Variants in MBD1 observed in about 807,000 individuals in gnomAD.
The protein encoded by MBD1 is methyl-CpG binding domain protein 1, also known as methyl-CpG-binding domain protein 1.
A neutral mutation model predicts 82.6 loss-of-function variants in MBD1; 25 were observed. That is an observed-to-expected ratio of 0.30 (90% CI 0.22 to 0.42). MBD1 has a LOEUF of 0.42. MBD1 is among the 10% of genes least tolerant of loss of function. MBD1 has a pLI of 1.00. For missense variants in MBD1, 627 were observed against 819.6 expected (o/e 0.76, Z 2.87); for synonymous variants, 301 against 303.7 (o/e 0.99, Z 0.09).
intron 1 of MBD1, among the ~76,000 whole-genome samples, chr18:50,280,956 G>C (rs1324624490): frequency 3.3e-5 from 5 of 151,816 alleles, no homozygotes; most frequent in Admixed American, 3.3e-4. Flanking sequence ...ACTGCTCCTC[G>C]TCCTCTATAT....
At chr18:50,267,810 C>A, downstream of MBD1, 2 of 602,494 alleles carry the variant, frequency 3.3e-6, no homozygotes, top group South Asian at 2.0e-5. Flanking sequence ...CTCTTAAGGA[C>A]GCAATTTACT....
chr18:50,281,025 C>T (rs1037829108), intron 1 of MBD1: 2 of 756,812 alleles, frequency 2.6e-6, no homozygotes, highest in Admixed American at 2.2e-5. Flanking sequence ...TGTCATCAGC[C>T]TGAGGGCCCC....
intron 16 of MBD1, chr18:50,270,036 T>G (rs1305216544): frequency 3.1e-6 from 5 of 1,597,990 alleles, no homozygotes; most frequent in Non-Finnish European, 4.2e-6. Flanking sequence ...ATAAATTTCA[T>G]ATAGATCATT....
At chr18:50,278,222 C>A (rs1599518502) in intron 2 of MBD1, among the ~76,000 whole-genome samples, 1 of 152,320 alleles carries the variant, frequency 6.6e-6, no homozygotes, top group East Asian at 1.9e-4. Flanking sequence ...CTCAAAACGG[C>A]ACACAATTCA....
In MBD1 at chr18:50,269,481, G is replaced by A. The variant is rs555633960; in HGVS notation, c.*370C>T. 1 of 724,010 alleles carries A rather than the reference G, an allele frequency of 1.4e-6. No homozygotes were observed. Among genetic ancestry groups the A allele is most frequent in the South Asian group, 1.5e-5 (1 of 65,506 alleles). The allele number at this position is 724,010 out of a possible 1,614,324, so 44.8% of individuals were successfully genotyped here. ...TGGAAGGTTGGTGCTGGGGCACCAG[G>A]CGTTGTTGCAGTTCACACGTTGCCA... On this transcript the variant is annotated 3_prime_UTR_variant, in exon 17 of 17. Coordinates refer to ENST00000269468, the MANE Select transcript of MBD1 (RefSeq NM_015846.4).
At chr18:50,273,235 A>G in intron 13 of MBD1, 99 bp downstream of exon 13, 1 of 1,515,774 alleles carries the variant, frequency 6.6e-7, no homozygotes, top group South Asian at 1.2e-5. Flanking sequence ...CAATCAGCAC[A>G]TCTATTGCTC....
At chr18:50,281,691 C>CTGA, upstream of MBD1, 1 of 423,678 alleles carries the variant, frequency 2.4e-6, no homozygotes, top group Non-Finnish European at 4.2e-6. Flanking sequence ...CATCTGCGTG[C>CTGA]TGACGTTCAA....
rs1030667958 is a variant in MBD1, at chr18:50,274,053, G to A, written c.1146+133C>T. The A allele has an allele frequency of 3.2e-5, 45 of 1,401,320 alleles. No homozygotes were observed. In the South Asian group the frequency reaches 5.0e-4, roughly 16 times the overall value. The allele number at this position is 1,401,320 out of a possible 1,614,324, so 86.8% of individuals were successfully genotyped here. ...ATGCCACCTAGACTCATTAAGCCAA[G>A]AACAATGTCTGTTAATCCTCAACCA... On this transcript the variant is annotated intron_variant, in intron 11 of 16. Coordinates refer to ENST00000269468, the MANE Select transcript of MBD1 (RefSeq NM_015846.4).
At chr18:50,272,615 A>T (rs1568197613) in intron 15 of MBD1, 62 bp downstream of exon 15, 2 of 1,586,822 alleles carry the variant, frequency 1.3e-6, no homozygotes, top group Non-Finnish European at 1.7e-6. Context: ...TACTTTCAAA[A>T]CTCAGGGCCC....
In MBD1 at chr18:50,277,216, C is replaced by A; in HGVS notation, c.111-12G>T. ...TGTCTCCTGTGGGGCTAGGGATGGG[C>A]CATGATGGGTTAGCACCCAGGTGGA... On this transcript the variant is annotated splice_polypyrimidine_tract_variant and intron_variant, in intron 2 of 16. Transcript: ENST00000269468. 1 of 1,597,408 alleles carries A rather than the reference C, an allele frequency of 6.3e-7. No individual in the cohort carries two copies. Among genetic ancestry groups the A allele is most frequent in the South Asian group, 1.1e-5 (1 of 90,606 alleles).
At chr18:50,281,287 G>A in intron 1 of MBD1, 76 bp downstream of exon 1, 2 of 1,432,630 alleles carry the variant, frequency 1.4e-6, no homozygotes, top group Non-Finnish European at 1.9e-6. Context: ...ATTCCTCCCC[G>A]TCAGCGTTCT....
chr18:50,273,328 C>T lies in MBD1; in HGVS notation c.1584+6G>A. On this transcript the variant is annotated splice_donor_region_variant and intron_variant, in intron 13 of 16. Transcript: ENST00000269468. ...GCACCAACAGAACATCCATCACTGC[C>T]CCCACCTTGCTAGGGCAGCCAGGCA... 1 of 1,614,018 alleles carries T rather than the reference C, an allele frequency of 6.2e-7. No homozygotes were observed. Among genetic ancestry groups the T allele is most frequent in the Non-Finnish European group, 8.5e-7 (1 of 1,180,008 alleles).
chr18:50,269,951 GGTTCT>G, intron 16 of MBD1, 133 bp from the exon 17 acceptor site: 1 of 1,453,904 alleles, frequency 6.9e-7, no homozygotes, highest in Non-Finnish European at 9.6e-7. Context: ...TTATCTTAGT[GGTTCT>G]GCTCCTCTGA....
intron 15 of MBD1, 185 bp downstream of exon 15, chr18:50,272,492 C>T: frequency 1.4e-6 from 1 of 713,604 alleles, no homozygotes; most frequent in Non-Finnish European, 2.5e-6. Context: ...TGCTATTGGG[C>T]TGGATCTCAG....
chr18:50,273,893 C>A (rs768083270), intron 11 of MBD1, 30 bp from the exon 12 acceptor site: 5 of 1,607,690 alleles, frequency 3.1e-6, no homozygotes, highest in Non-Finnish European at 4.2e-6. Context: ...GCTATGGCTA[C>A]CTGGTGTCCT....
chr18:50,276,862 T>G lies in MBD1; in HGVS notation c.362A>C (p.Asp121Ala), dbSNP rs760590545. ...AGCAGGGAATGAAGCTGGGGCTGTG[T>G]CAGTGTCAGCCTTGGTCTCATCCCT... Reference protein sequence around the residue: ...APRDETKADTDTAPASFPAPG... With the variant: ...APRDETKADTATAPASFPAPG... Residue 121 changes from aspartate (D) to alanine (A), a missense_variant, in exon 4 of 17, where the codon GAC becomes GCC. This residue lies in a region of MBD1 where 75 missense variants were observed against 74.7 expected (regional missense o/e 1.00). Coordinates refer to ENST00000269468, the MANE Select transcript of MBD1 (RefSeq NM_015846.4). 8 of 1,614,106 alleles carry G rather than the reference T, an allele frequency of 5.0e-6. No individual in the cohort carries two copies. The African/African-American group carries it at 1.1e-4, about 22-fold the overall frequency.
rs747444402 is a variant in MBD1 at position 50,273,703 on chromosome 18, T to A, written c.1307A>T (p.Gln436Leu). Residue 436 changes from glutamine to leucine, a missense_variant, in exon 12 of 17, where the codon CAG becomes CTG. Physicochemically the swap from Gln to Leu is moderately radical, Grantham distance 113. Coordinates refer to ENST00000269468, the MANE Select transcript of MBD1 (RefSeq NM_015846.4). ...ACCTGCTTCCTGCTTCGTTGGAGCC[T>A]GGGTATGGTCTGGTTGGGCTGTGCG... ...ATRTAQPDHT[Q>L]APTKQEAGGG... 1.9e-6 allele frequency: 3 copies of A among 1,614,152 alleles called. No individual in the cohort carries two copies. The East Asian group carries it at 6.7e-5, about 36-fold the overall frequency.
In MBD1 at chr18:50,276,959, G is replaced by C; in HGVS notation, c.265C>G (p.Pro89Ala). ...VAVASKKRKK[P>A]SRPAKTRKRQ... ...TTCCGAGTCTTGGCTGGCCTTGAAG[G>C]CTTCTTTCGCTTCTTGCTGGCAACC... is the stretch of plus-strand genomic sequence containing the variant. Residue 89 changes from proline (P) to alanine (A), a missense_variant, in exon 4 of 17, where the codon CCT (proline) becomes GCT (alanine). By Grantham distance (27) the Pro-to-Ala change is conservative (BLOSUM62 -1). Around this residue, in one of 6 missense-constraint regions of MBD1, gnomAD observed 75 missense variants for 74.7 expected, o/e 1.00. Coordinates refer to ENST00000269468, the MANE Select transcript of MBD1 (RefSeq NM_015846.4). 3 of 1,614,226 alleles carry C rather than the reference G, an allele frequency of 1.9e-6. No homozygotes were observed. Among genetic ancestry groups the C allele is most frequent in the Non-Finnish European group, 2.5e-6 (3 of 1,180,054 alleles).
At chr18:50,274,093 C>T in intron 11 of MBD1, 93 bp downstream of exon 11, 2 of 1,546,384 alleles carry the variant, frequency 1.3e-6, no homozygotes, top group South Asian at 2.2e-5. Context: ...TACTGCCCCA[C>T]CCACCCACCT....
Sources: allele counts gnomAD v4.1 joint callset (sites outside exome capture counted in the v4.1 genomes callset), GRCh38; gene constraint gnomAD v4.1.1; regional missense constraint gnomAD v4.1.1; transcripts MANE v1.5; gene names NCBI Gene and HGNC (gene_info 2026-07-23, HGNC 2026-07-21).